SMOC1: variants seen among roughly 807,000 people sequenced by gnomAD.
SMOC1 encodes the protein SPARC related modular calcium binding 1.
SMOC1 carries 22 observed loss-of-function variants against 56.3 expected under a neutral mutation model. That is an observed-to-expected ratio of 0.39 (90% CI 0.28 to 0.56). The LOEUF is 0.56. SMOC1 is among the 20% of genes least tolerant of loss of function. SMOC1 has a pLI of 0.61. For synonymous variants in SMOC1, 193 were observed against 215.0 expected (o/e 0.90, Z 0.89); for missense variants, 509 against 565.4 (o/e 0.90, Z 1.01).
At chr14:69,967,092 A>C (rs1283430885) in intron 3 of SMOC1, among the ~76,000 whole-genome samples, 2 of 152,184 alleles carry the variant, frequency 1.3e-5, no homozygotes, top group Non-Finnish European at 2.9e-5. Context: ...TTCTAAACAC[A>C]CCACTCCTAA....
chr14:69,992,372 C>T, intron 5 of SMOC1, 45 bp from the exon 6 acceptor site: 1 of 1,605,634 alleles, frequency 6.2e-7, no homozygotes, highest in Non-Finnish European at 8.5e-7. Flanking sequence ...GTATTTACCT[C>T]AATAATGGTA....
chr14:69,907,764 TG>T (rs1159448346), intron 1 of SMOC1, among the ~76,000 whole-genome samples: 1 of 152,234 alleles, frequency 6.6e-6, no homozygotes, highest in African/African-American at 2.4e-5. Context: ...TTCTGGAGGC[TG>T]GAAGTCCAAG....
chr14:69,972,619 G>C (rs1423749915), intron 3 of SMOC1, among the ~76,000 whole-genome samples: 1 of 152,168 alleles, frequency 6.6e-6, no homozygotes, highest in African/African-American at 2.4e-5. Context: ...GAAAGGAGCT[G>C]TGTTTGGGCC....
intron 3 of SMOC1, among the ~76,000 whole-genome samples, chr14:69,959,536 C>T (rs772804868): frequency 6.6e-6 from 1 of 152,120 alleles, no homozygotes; most frequent in Non-Finnish European, 1.5e-5. Flanking sequence ...CTTTGAGCTC[C>T]GTGGTCCAGG....
chr14:69,979,711 C>T (rs976094512), intron 5 of SMOC1, among the ~76,000 whole-genome samples: 7 of 152,282 alleles, frequency 4.6e-5, no homozygotes, highest in African/African-American at 1.7e-4. Flanking sequence ...GCAATTCTCC[C>T]ACCTCAGCCT....
chr14:69,973,445 G>A (rs1167431172), intron 3 of SMOC1, among the ~76,000 whole-genome samples: 1 of 152,180 alleles, frequency 6.6e-6, no homozygotes, highest in Non-Finnish European at 1.5e-5. Flanking sequence ...CGTCTATCTG[G>A]ATTTTTTTCC....
At chr14:69,893,256 A>G (rs1217901140) in intron 1 of SMOC1, among the ~76,000 whole-genome samples, 1 of 152,200 alleles carries the variant, frequency 6.6e-6, no homozygotes, top group African/African-American at 2.4e-5. Context: ...GCACCCATTG[A>G]TGATCATTGC....
intron 7 of SMOC1, among the ~76,000 whole-genome samples, 164 bp downstream of exon 7, chr14:69,994,644 C>A (rs1225077834): frequency 6.6e-6 from 1 of 152,194 alleles, no homozygotes; most frequent in Non-Finnish European, 1.5e-5. Context: ...TCCCTTCCAA[C>A]TTTAATTTTC....
chr14:69,997,257 T>C (rs1414293957), intron 7 of SMOC1, among the ~76,000 whole-genome samples: 4 of 152,230 alleles, frequency 2.6e-5, no homozygotes, highest in South Asian at 2.1e-4. Flanking sequence ...CACAAGGCTC[T>C]TCACCATCTC....
chr14:70,013,730 A>T (rs1455424510), intron 10 of SMOC1, among the ~76,000 whole-genome samples: 1 of 152,208 alleles, frequency 6.6e-6, no homozygotes, highest in Non-Finnish European at 1.5e-5. Flanking sequence ...TACCTGATTT[A>T]TAGGAAAGTC....
chr14:69,888,905 A>G (rs990917689), intron 1 of SMOC1, among the ~76,000 whole-genome samples: 2 of 152,194 alleles, frequency 1.3e-5, no homozygotes, highest in Admixed American at 6.5e-5. Flanking sequence ...AAGGACGTGT[A>G]TTACTCCTTC....
rs540567045 is a variant in SMOC1 at position 69,940,871 on chromosome 14, A to G, written c.100-11267A>G. Among the ~76,000 whole-genome samples, 77 of 152,170 alleles carry G rather than the reference A, an allele frequency of 5.1e-4. 1 individual carries two copies. The South Asian group carries it at 0.016, about 32-fold the overall frequency. On this transcript the variant is annotated intron_variant, in intron 1 of 11. Transcript: ENST00000361956. ...TTGTGCTGGTGGCAGACTTTGAGGG[A>G]TGAGGAGAGGGAATGGGCATGTGAC...
At chr14:69,927,560 CT>C (rs950624176) in intron 1 of SMOC1, among the ~76,000 whole-genome samples, 1 of 152,140 alleles carries the variant, frequency 6.6e-6, no homozygotes, top group African/African-American at 2.4e-5. Context: ...CCTGTGGTCC[CT>C]GCTACTTGGG....
intron 1 of SMOC1, among the ~76,000 whole-genome samples, chr14:69,880,669 G>A (rs1055983155): frequency 1.8e-4 from 28 of 152,142 alleles, no homozygotes; most frequent in African/African-American, 6.5e-4. Context: ...CTTAATCCAG[G>A]CAATCTCTGG....
At chr14:69,995,222 A>G (rs1156452802) in intron 7 of SMOC1, among the ~76,000 whole-genome samples, 1 of 152,210 alleles carries the variant, frequency 6.6e-6, no homozygotes, top group Non-Finnish European at 1.5e-5. Flanking sequence ...ACTATGAACA[A>G]AAGATATATG....
chr14:69,889,957 G>T (rs1461215282), intron 1 of SMOC1, among the ~76,000 whole-genome samples: 1 of 152,190 alleles, frequency 6.6e-6, no homozygotes, highest in Admixed American at 6.5e-5. Context: ...GGCCCACCCA[G>T]ATAATTCAAA....
At chr14:70,018,962 G>A (rs1430161782) in intron 10 of SMOC1, among the ~76,000 whole-genome samples, 5 of 152,190 alleles carry the variant, frequency 3.3e-5, no homozygotes, top group Admixed American at 6.5e-5. Flanking sequence ...CCTCCAGGCC[G>A]TCCCGCCTTA....
chr14:69,999,074 T>A (rs987688659), intron 7 of SMOC1, among the ~76,000 whole-genome samples: 2 of 152,196 alleles, frequency 1.3e-5, no homozygotes, highest in African/African-American at 4.8e-5. Flanking sequence ...AATGCATTTC[T>A]TTTAAGTTTT....
intron 1 of SMOC1, among the ~76,000 whole-genome samples, chr14:69,932,046 G>T (rs1417625468): frequency 6.6e-6 from 1 of 152,226 alleles, no homozygotes; most frequent in African/African-American, 2.4e-5. Flanking sequence ...CCAAAGAGTG[G>T]CTTTGCCATC....
Sources: gnomAD v4.1 joint callset for allele counts (sites outside exome capture counted in the v4.1 genomes callset) on GRCh38, gnomAD v4.1.1 for gene constraint, MANE v1.5 for transcripts, NCBI Gene and HGNC (gene_info 2026-07-23, HGNC 2026-07-21) for gene names.